The following DIP2C variants were observed in gnomAD, a reference collection of about 807,000 sequenced individuals.
DIP2C encodes disco-interacting protein 2 homolog C.
DIP2C carries 33 observed loss-of-function variants against 192.4 expected under a neutral mutation model. The observed-to-expected ratio is 0.17, with a 90% CI of 0.13 to 0.23. The LOEUF is 0.23. Among genes scored for constraint, DIP2C ranks in the 10% least tolerant of loss-of-function variants. The pLI is 1.00. For missense variants in DIP2C, 1,537 were observed against 2,110.1 expected (o/e 0.73, Z 5.32); for synonymous variants, 979 against 864.1 (o/e 1.13, Z -2.33).
Position 323,318 on chromosome 10 carries a change from GC to G in DIP2C, c.3924+3687del, listed in dbSNP as rs1209320976. The stretch of plus-strand genomic sequence containing the variant: ...TGCGGGGCTCCAGCGAGAGACCGGC[GC>G]TGTTAGAACAGTCAGTCGGGGGTGC... On this transcript the variant is annotated intron_variant, in intron 31 of 36. Transcript: ENST00000280886. Among the ~76,000 whole-genome samples the G allele has an allele frequency of 3.4e-5, 4 of 117,504 alleles. 1 individual carries two copies. The highest frequency in any genetic ancestry group is 2.4e-4 in the East Asian group (1 of 4,212). The allele number at this position is 117,504 out of a possible 152,430, so 77.1% of individuals were successfully genotyped here.
intron 13 of DIP2C, among the ~76,000 whole-genome samples, chr10:388,167 T>G (rs1159234206): frequency 6.6e-6 from 1 of 152,160 alleles, no homozygotes; most frequent in Admixed American, 6.5e-5. Flanking sequence ...GCAGCTGGCA[T>G]GCCCTCTGCG....
At chr10:553,990 C>T (rs529389005) in intron 1 of DIP2C, among the ~76,000 whole-genome samples, 2 of 149,946 alleles carry the variant, frequency 1.3e-5, no homozygotes, top group Non-Finnish European at 1.5e-5. Context: ...GTAAGAGTGG[C>T]GAACAGGCAA....
chr10:430,142 T>C (rs1267991776), intron 4 of DIP2C: 2 of 152,256 alleles, frequency 1.3e-5, no homozygotes, highest in African/African-American at 2.4e-5. Context: ...TGACATATGA[T>C]GTGAAGCGTC....
chr10:536,293 C>T (rs1279979606), intron 1 of DIP2C, among the ~76,000 whole-genome samples: 4 of 152,272 alleles, frequency 2.6e-5, no homozygotes, highest in South Asian at 2.1e-4. Context: ...GCCATTGGGA[C>T]GTAGGACCCA....
chr10:373,011 A>G (rs1270559574), intron 17 of DIP2C, among the ~76,000 whole-genome samples: 1 of 152,140 alleles, frequency 6.6e-6, no homozygotes, highest in East Asian at 1.9e-4. Context: ...CTTAAAACTC[A>G]CCATAAGCCT....
intron 1 of DIP2C, among the ~76,000 whole-genome samples, chr10:592,919 T>C (rs11253271): frequency 0.21 from 31,730 of 152,140 alleles, 4,157 homozygotes; most frequent in Non-Finnish European, 0.28. Context: ...CTGTGCAAAA[T>C]GGCATTTTTG....
intron 1 of DIP2C, among the ~76,000 whole-genome samples, chr10:514,691 C>T (rs1219478147): frequency 6.6e-6 from 1 of 152,308 alleles, no homozygotes; most frequent in African/African-American, 2.4e-5. Context: ...CTCATGGCTC[C>T]TGAGGGACCT....
chr10:591,180 T>C (rs1851383412), intron 1 of DIP2C, among the ~76,000 whole-genome samples: 1 of 152,098 alleles, frequency 6.6e-6, no homozygotes, highest in Non-Finnish European at 1.5e-5. Context: ...TGGAGTGGAG[T>C]GGCGTGATCT....
chr10:650,129 G>A (rs992538729), intron 1 of DIP2C: 1 of 717,212 alleles, frequency 1.4e-6, no homozygotes, highest in Non-Finnish European at 2.6e-6. Context: ...CTCCCGTTGG[G>A]ACAAGGACCC....
chr10:509,085 C>T (rs1476588333), intron 1 of DIP2C, among the ~76,000 whole-genome samples: 1 of 152,214 alleles, frequency 6.6e-6, no homozygotes, highest in Non-Finnish European at 1.5e-5. Flanking sequence ...GACAGACGAG[C>T]AGGCCCAAGA....
At chr10:454,813 G>C (rs1156373900) in intron 3 of DIP2C, among the ~76,000 whole-genome samples, 2 of 149,898 alleles carry the variant, frequency 1.3e-5, no homozygotes, top group Admixed American at 6.7e-5. Context: ...AGCACCCCTG[G>C]AACCCTCAGA....
chr10:555,965 T>G (rs1451342993), intron 1 of DIP2C, among the ~76,000 whole-genome samples: 1 of 151,988 alleles, frequency 6.6e-6, no homozygotes. Flanking sequence ...AAGCCTTTGC[T>G]CCTGACCCTG....
At chr10:458,782 C>G (rs965798928) in intron 3 of DIP2C, among the ~76,000 whole-genome samples, 3 of 151,704 alleles carry the variant, frequency 2.0e-5, no homozygotes, top group Non-Finnish European at 2.9e-5. Context: ...CTCGGCACCC[C>G]GTGACGGCAA....
chr10:667,184 T>A (rs1345158791), intron 1 of DIP2C: 2 of 152,028 alleles, frequency 1.3e-5, no homozygotes, highest in Admixed American at 1.3e-4. Context: ...TGAAACCCCA[T>A]CCCTACTAAT....
chr10:349,283 G>A lies in DIP2C; in HGVS notation c.3109+48C>T, dbSNP rs755002963. 6 of 1,581,720 alleles carry A rather than the reference G, an allele frequency of 3.8e-6. No individual in the cohort carries two copies. The Admixed American group carries it at 5.1e-5, about 13-fold the overall frequency. ...GTGTAAGGGACCTCCTCGCACCGCG[G>A]CTGACCGGCTTGCCATCTCTCAGGG... On this transcript the variant is annotated intron_variant, in intron 25 of 36. Coordinates refer to ENST00000280886, the MANE Select transcript of DIP2C (RefSeq NM_014974.3).
intron 1 of DIP2C, among the ~76,000 whole-genome samples, chr10:607,616 T>C (rs1022282035): frequency 2.0e-5 from 3 of 152,182 alleles, no homozygotes; most frequent in African/African-American, 2.4e-5. Flanking sequence ...CATAATAGTT[T>C]CGACTTACAA....
intron 10 of DIP2C, among the ~76,000 whole-genome samples, chr10:395,315 T>C (rs1963900469): frequency 6.6e-6 from 1 of 151,986 alleles, no homozygotes; most frequent in Non-Finnish European, 1.5e-5. Context: ...CCATAAAAAA[T>C]GAGAGGTAAG....
chr10:416,648 C>CA (rs1397895551), intron 6 of DIP2C, among the ~76,000 whole-genome samples: 1 of 152,176 alleles, frequency 6.6e-6, no homozygotes. Context: ...AATGCTGCAC[C>CA]ATTCTGAAAA....
chr10:344,888 A>T lies in DIP2C; in HGVS notation c.3374T>A (p.Ile1125Asn). 6.2e-7 allele frequency: 1 copy of T among 1,607,920 alleles called. No homozygotes were observed. The highest frequency in any genetic ancestry group is 8.5e-7 in the Non-Finnish European group (1 of 1,178,212). ...AGTGTCTGGGTTGCAAGGTTTGCAGATCTGGGCAGGCCGCTTCTTTGGCAA... is the reference window on the plus strand; with the variant it reads ...AGTGTCTGGGTTGCAAGGTTTGCAGTTCTGGGCAGGCCGCTTCTTTGGCAA... ...DDLPKKRPAQICKPCNPDTLA... is the reference protein window; with the variant it reads ...DDLPKKRPAQNCKPCNPDTLA... The change falls in exon 28 of 37, where the codon ATC becomes AAC. Residue 1125 changes from isoleucine to asparagine, a missense_variant. Coordinates refer to ENST00000280886, the MANE Select transcript of DIP2C (RefSeq NM_014974.3).
Sources: gnomAD v4.1 joint callset for allele counts (sites outside exome capture counted in the v4.1 genomes callset) on GRCh38, gnomAD v4.1.1 for gene constraint, MANE v1.5 for transcripts, NCBI Gene and HGNC (gene_info 2026-07-23, HGNC 2026-07-21) for gene names.